Variants in SELENOF observed in about 807,000 individuals in gnomAD.
SELENOF encodes the protein 15 kDa selenoprotein.
In SELENOF, 16 loss-of-function variants were observed where a neutral mutation model predicts 20.5. That is an observed-to-expected ratio of 0.78 (90% confidence interval 0.53 to 1.19). SELENOF has a LOEUF of 1.19. Ranked by LOEUF, SELENOF falls within the 50% of genes most tolerant of loss-of-function variation. The probability of loss-of-function intolerance (pLI) is 0.00; values close to 1 mark genes in which losing one functional copy is unlikely to be tolerated. For synonymous variants in SELENOF, 78 were observed against 74.5 expected, an observed-to-expected ratio of 1.05 and a Z score of -0.24; for missense variants, 215 against 194.2, an observed-to-expected ratio of 1.11 and a Z score of -0.64.
intron 2 of SELENOF, among the ~76,000 whole-genome samples, chr1:86,883,359 AAC>A (rs1324522668): frequency 2.0e-5 from 3 of 152,148 alleles, no homozygotes; most frequent in Admixed American, 2.0e-4. Flanking sequence ...AAAGATGGTT[AAC>A]ACAGTTGTAC....
intron 3 of SELENOF, among the ~76,000 whole-genome samples, chr1:86,870,564 A>G (rs1022830093): frequency 2.0e-5 from 3 of 152,178 alleles, no homozygotes; most frequent in African/African-American, 4.8e-5. Context: ...TTTTATACAT[A>G]TATTTTTGGA....
At chr1:86,900,295 A>G (rs1419658611) in intron 2 of SELENOF, among the ~76,000 whole-genome samples, 1 of 152,016 alleles carries the variant, frequency 6.6e-6, no homozygotes, top group African/African-American at 2.4e-5. Context: ...CAGCCTGGGC[A>G]CCATTGAGCA....
chr1:86,873,044 AAAATAAATAAATAAATAAAT>A (rs71582985), intron 3 of SELENOF, among the ~76,000 whole-genome samples: 53 of 141,786 alleles, frequency 3.7e-4, no homozygotes, highest in Admixed American at 6.3e-4. Context: ...GACTCCGTCT[AAAATAAATAAATAAATAAAT>A]AAATAAATAA....
chr1:86,892,334 CCTT>C (rs1415293702), intron 2 of SELENOF, among the ~76,000 whole-genome samples: 1 of 152,158 alleles, frequency 6.6e-6, no homozygotes, highest in Admixed American at 6.6e-5. Context: ...TTTTAAAAAA[CCTT>C]CTTTGTGAAT....
At chr1:86,871,319 AAGG>A (rs760650922) in intron 3 of SELENOF, among the ~76,000 whole-genome samples, 1 of 152,208 alleles carries the variant, frequency 6.6e-6, no homozygotes, top group Non-Finnish European at 1.5e-5. Context: ...AGTTCAGAGC[AAGG>A]AGATCTTAGT....
chr1:86,906,847 G>A (rs974609571), intron 1 of SELENOF, among the ~76,000 whole-genome samples: 9 of 152,168 alleles, frequency 5.9e-5, no homozygotes, highest in Admixed American at 2.6e-4. Flanking sequence ...ATTGTTTTAC[G>A]TCACTAAATT....
chr1:86,899,808 G>A (rs1259681829), intron 2 of SELENOF, among the ~76,000 whole-genome samples: 2 of 148,950 alleles, frequency 1.3e-5, no homozygotes, highest in African/African-American at 2.5e-5. Context: ...GCTGCCGGGC[G>A]GAGGGGCTCC....
At chr1:86,902,461 T>A (rs1659728157) in intron 2 of SELENOF, among the ~76,000 whole-genome samples, 2 of 152,146 alleles carry the variant, frequency 1.3e-5, no homozygotes, top group Admixed American at 6.5e-5. Flanking sequence ...TAACACATCA[T>A]TATGCCTGAA....
At chr1:86,913,951 G>A in intron 1 of SELENOF, 77 bp downstream of exon 1, 1 of 1,362,174 alleles carries the variant, frequency 7.3e-7, no homozygotes, top group Non-Finnish European at 1.1e-6. Flanking sequence ...TTTCAACCAG[G>A]ACCGAATGTT....
At chr1:86,896,722 A>G (rs538136908) in intron 2 of SELENOF, among the ~76,000 whole-genome samples, 3 of 152,354 alleles carry the variant, frequency 2.0e-5, no homozygotes, top group African/African-American at 4.8e-5. Context: ...CGGGAGATCT[A>G]TATTTGTAGT....
intron 2 of SELENOF, among the ~76,000 whole-genome samples, chr1:86,900,459 G>A (rs1659669098): frequency 6.6e-6 from 1 of 152,206 alleles, no homozygotes; most frequent in Non-Finnish European, 1.5e-5. Flanking sequence ...GTGGCGGCAC[G>A]CGCCTGCAAT....
chr1:86,876,526 TAA>T (rs1658927327), intron 3 of SELENOF, among the ~76,000 whole-genome samples: 1 of 152,184 alleles, frequency 6.6e-6, no homozygotes, highest in Admixed American at 6.5e-5. Context: ...TATATTGGTT[TAA>T]GGTACCTATG....
intron 2 of SELENOF, among the ~76,000 whole-genome samples, chr1:86,900,448 C>T (rs1168840103): frequency 6.6e-6 from 1 of 152,210 alleles, no homozygotes; most frequent in African/African-American, 2.4e-5. Flanking sequence ...ACCAGTCAGG[C>T]GTGGCGGCAC....
chr1:86,875,052 G>A (rs1290187594), intron 3 of SELENOF, among the ~76,000 whole-genome samples: 1 of 152,152 alleles, frequency 6.6e-6, no homozygotes, highest in Non-Finnish European at 1.5e-5. Context: ...TGGCCAACAT[G>A]GTGAAACTCC....
In SELENOF at chr1:86,888,245, A is replaced by T. The variant is rs181861412; in HGVS notation, c.253-7520T>A. On this transcript the variant is annotated intron_variant, in intron 2 of 4. Transcript: ENST00000331835. Reference sequence around the variant, plus strand: ...ACTACATTCCTCCAGCCTGGGCAACAGAGTGAGACTCCATCTCAAAAAAAA... The same window carrying T: ...ACTACATTCCTCCAGCCTGGGCAACTGAGTGAGACTCCATCTCAAAAAAAA... 5.9e-5 allele frequency among the ~76,000 whole-genome samples: 9 copies of T among 151,338 alleles called. No individual in the cohort carries two copies. In the East Asian group the frequency reaches 1.8e-3, roughly 29 times the overall value.
chr1:86,901,424 TAAA>T (rs545664171), intron 2 of SELENOF, among the ~76,000 whole-genome samples: 1 of 128,336 alleles, frequency 7.8e-6, no homozygotes, highest in African/African-American at 2.9e-5. Context: ...CTAGTCTTAC[TAAA>T]AAAAAAAAAA....
intron 2 of SELENOF, 42 bp downstream of exon 2, chr1:86,903,239 A>G: frequency 1.3e-6 from 2 of 1,558,028 alleles, no homozygotes; most frequent in Non-Finnish European, 1.7e-6. Context: ...ACCTTATCTC[A>G]ACTAAACCAT....
intron 1 of SELENOF, among the ~76,000 whole-genome samples, chr1:86,907,810 C>G (rs529041613): frequency 6.6e-6 from 1 of 151,964 alleles, no homozygotes; most frequent in Admixed American, 6.5e-5. Flanking sequence ...ATGGTGAAAC[C>G]CCGTCTCTAC....
chr1:86,913,708 C>A, intron 1 of SELENOF: 1 of 288,402 alleles, frequency 3.5e-6, no homozygotes, highest in Non-Finnish European at 6.7e-6. Flanking sequence ...CATTTAAAAA[C>A]AACCTCCACT....
Sources: allele counts gnomAD v4.1 joint callset (sites outside exome capture counted in the v4.1 genomes callset), GRCh38; gene constraint gnomAD v4.1.1; transcripts MANE v1.5; gene names NCBI Gene and HGNC (gene_info 2026-07-23, HGNC 2026-07-21).